FOXK2: variants seen among roughly 807,000 people sequenced by gnomAD.
FOXK2 encodes forkhead box protein K2.
Under a neutral mutation model 53.3 loss-of-function variants are expected in FOXK2, and 24 were observed. The ratio of observed to expected loss-of-function variants is 0.45; its 90% CI spans 0.33 to 0.63. The LOEUF (loss-of-function observed/expected upper bound fraction) is 0.63. Among genes scored for constraint, FOXK2 ranks in the 30% least tolerant of loss-of-function variants. FOXK2 has a pLI of 0.03. For missense variants in FOXK2, 952 were observed against 910.5 expected (o/e 1.05, Z -0.59); for synonymous variants, 505 against 407.1 (o/e 1.24, Z -2.89).
intron 1 of FOXK2, among the ~76,000 whole-genome samples, chr17:82,533,835 CCTGGCACAGCTAGGTTAGCTGGGT>C (rs1176502209): frequency 6.6e-6 from 1 of 151,232 alleles, no homozygotes; most frequent in African/African-American, 2.4e-5. Context: ...GTTAGCTGGG[CCTGGCACAGCTAGGTTAGCTGGGT>C]GTGGTGGTGC....
At chr17:82,594,279 A>G (rs1249611707) in intron 8 of FOXK2, among the ~76,000 whole-genome samples, 4 of 152,142 alleles carry the variant, frequency 2.6e-5, no homozygotes, top group African/African-American at 9.7e-5. Flanking sequence ...CGGGCGGATC[A>G]CGAGGTCAGG....
chr17:82,595,067 C>T (rs927989911), intron 8 of FOXK2, among the ~76,000 whole-genome samples: 7 of 152,190 alleles, frequency 4.6e-5, no homozygotes, highest in African/African-American at 1.4e-4. Context: ...GGAATAGAAA[C>T]GCAAGCCGGC....
chr17:82,525,344 C>G (rs1567962629), intron 1 of FOXK2, among the ~76,000 whole-genome samples: 1 of 151,836 alleles, frequency 6.6e-6, no homozygotes, highest in East Asian at 1.9e-4. Flanking sequence ...GCCTGGCTAA[C>G]TTTTTTTGCA....
Position 82,519,913 on chromosome 17 carries a change from T to C in FOXK2, c.25T>C (p.Ser9Pro). The C allele has an allele frequency of 1.0e-6, 1 of 976,014 alleles. No individual in the cohort carries two copies. Among genetic ancestry groups the C allele is most frequent in the Non-Finnish European group, 1.2e-6 (1 of 826,386 alleles). 60.5% of individuals were successfully genotyped at this position (976,014 alleles called of 1,614,324 possible). MAAAAAAL[S>P]GAGTPPAGGG... Reference sequence around the variant, plus strand: ...CATGGCGGCGGCCGCGGCGGCGCTCTCGGGCGCGGGCACGCCACCCGCGGG... The same window carrying C: ...CATGGCGGCGGCCGCGGCGGCGCTCCCGGGCGCGGGCACGCCACCCGCGGG... The change falls in exon 1 of 9, where the codon TCG becomes CCG. Residue 9 changes from serine (S) to proline (P), a missense_variant. Ser to Pro is a moderately conservative substitution (Grantham distance 74, BLOSUM62 -1). Around this residue, in one of 5 missense-constraint regions of FOXK2, gnomAD observed 163 missense variants for 165.5 expected, o/e 0.98. Transcript: ENST00000335255.
intron 8 of FOXK2, among the ~76,000 whole-genome samples, chr17:82,592,911 T>C (rs2045266901): frequency 1.3e-5 from 2 of 149,774 alleles, no homozygotes; most frequent in South Asian, 4.3e-4. Flanking sequence ...CACAGGCTCT[T>C]ATTCTGAAAG....
intron 4 of FOXK2, among the ~76,000 whole-genome samples, chr17:82,581,568 C>A (rs561572313): frequency 6.6e-6 from 1 of 151,822 alleles, no homozygotes; most frequent in South Asian, 2.1e-4. Context: ...CTCTGCCTCC[C>A]GGGTTCACAC....
At position 82,603,969 on chromosome 17, in the gene FOXK2, A is replaced by G. The variant is rs1004829003; in HGVS notation, c.*2470A>G. The G allele has an allele frequency of 6.6e-6, 1 of 152,206 alleles. No homozygotes were observed. The highest frequency in any genetic ancestry group is 2.4e-5 in the African/African-American group (1 of 41,438). 9.4% of individuals were successfully genotyped at this position (152,206 alleles called of 1,614,324 possible). On this transcript the variant is annotated 3_prime_UTR_variant, in exon 9 of 9. Transcript: ENST00000335255. ...GGCACTGTTTCTAAATTTTGAACTT[A>G]GCTCTGAATCCCCAAGAACTTGAGC...
intron 1 of FOXK2, among the ~76,000 whole-genome samples, chr17:82,548,818 G>A (rs1036147215): frequency 6.6e-6 from 1 of 152,140 alleles, no homozygotes; most frequent in Non-Finnish European, 1.5e-5. Flanking sequence ...TTGGTTTTAC[G>A]TGAATGTCAT....
chr17:82,541,391 G>C (rs1001313401), intron 1 of FOXK2, among the ~76,000 whole-genome samples: 10 of 150,392 alleles, frequency 6.6e-5, no homozygotes, highest in African/African-American at 2.4e-4. Flanking sequence ...TCGTGCCTCA[G>C]CCTCCCAAGT....
At chr17:82,562,609 T>A (rs964718951) in intron 1 of FOXK2, among the ~76,000 whole-genome samples, 1 of 152,068 alleles carries the variant, frequency 6.6e-6, no homozygotes, top group Non-Finnish European at 1.5e-5. Flanking sequence ...GAATTATTTT[T>A]CTTAAATAAG....
At position 82,576,751 on chromosome 17, in the gene FOXK2, G is replaced by A. The variant is rs1346889065; in HGVS notation, c.909+4881G>A. 18 of 708,166 alleles carry A rather than the reference G, an allele frequency of 2.5e-5. 1 individual carries two copies. In the South Asian group the frequency reaches 2.7e-4, roughly 10 times the overall value. 43.9% of individuals were successfully genotyped at this position (708,166 alleles called of 1,614,324 possible). A position where few individuals can be genotyped will look rare whatever the true frequency, so the allele number is the denominator to read the frequency against. On this transcript the variant is annotated intron_variant, in intron 4 of 8. Coordinates refer to ENST00000335255, the MANE Select transcript of FOXK2 (RefSeq NM_004514.4). ...AAAACCGTGAACGTAGCAGCATGTC[G>A]AATATGTCACCAGCTGCTTCATTTT...
At position 82,588,272 on chromosome 17, in the gene FOXK2, G is replaced by A. The variant is rs563616432; in HGVS notation, c.1786+1000G>A. 5.3e-4 allele frequency: 81 copies of A among 152,836 alleles called. 1 individual carries two copies. Among genetic ancestry groups the A allele is most frequent in the Middle Eastern group, 6.8e-3 (2 of 294 alleles). The allele number at this position is 152,836 out of a possible 1,614,324, so 9.5% of individuals were successfully genotyped here. Reference sequence around the variant, plus strand: ...ATCAGTTACCTGTTTGAATGCCTTCGTCCCCAAGCCCTGTGTCTCCTCCTT... The same window carrying A: ...ATCAGTTACCTGTTTGAATGCCTTCATCCCCAAGCCCTGTGTCTCCTCCTT... On this transcript the variant is annotated intron_variant, in intron 8 of 8. Coordinates refer to ENST00000335255, the MANE Select transcript of FOXK2 (RefSeq NM_004514.4).
chr17:82,552,795 C>T (rs2044688962), intron 1 of FOXK2, among the ~76,000 whole-genome samples: 1 of 152,124 alleles, frequency 6.6e-6, no homozygotes, highest in African/African-American at 2.4e-5. Context: ...GCATCCCAAA[C>T]AGGGCTCTGG....
At chr17:82,534,277 A>C (rs1013549954) in intron 1 of FOXK2, among the ~76,000 whole-genome samples, 1 of 152,122 alleles carries the variant, frequency 6.6e-6, no homozygotes, top group African/African-American at 2.4e-5. Context: ...TGATATGTAG[A>C]GGGGTAACCT....
rs570444756 is a variant in FOXK2 at position 82,557,074 on chromosome 17, G to C, written c.420-6280G>C. On this transcript the variant is annotated intron_variant, in intron 1 of 8. Transcript: ENST00000335255. ...GAGACAGAGTTGCTCTTGTTGCCCA[G>C]GCTGGAGTGCAATGGTGTGATGATC... is the stretch of plus-strand genomic sequence containing the variant. 1.3e-4 allele frequency among the ~76,000 whole-genome samples: 20 copies of C among 149,880 alleles called. No homozygotes were observed. The South Asian group carries it at 3.8e-3, about 28-fold the overall frequency.
intron 3 of FOXK2, among the ~76,000 whole-genome samples, chr17:82,568,617 T>C (rs985893334): frequency 3.3e-5 from 5 of 152,232 alleles, no homozygotes; most frequent in Non-Finnish European, 7.3e-5. Flanking sequence ...ACAGCAGTTG[T>C]TGAGAGTCAC....
Position 82,602,405 on chromosome 17 carries a change from T to G in FOXK2, c.*906T>G, listed in dbSNP as rs942317075. 3.9e-5 allele frequency: 6 copies of G among 152,374 alleles called. No individual in the cohort carries two copies. In the East Asian group the frequency reaches 1.2e-3, roughly 29 times the overall value. 9.4% of individuals were successfully genotyped at this position (152,374 alleles called of 1,614,324 possible). A position where few individuals can be genotyped will look rare whatever the true frequency, so the allele number is the denominator to read the frequency against. On this transcript the variant is annotated 3_prime_UTR_variant, in exon 9 of 9. Coordinates refer to ENST00000335255, the MANE Select transcript of FOXK2 (RefSeq NM_004514.4). ...AAGTCTCCTAAGTATTGTGTATGTT[T>G]AAAACGACAGAACCATTTCTACTTC...
At chr17:82,577,158 G>A (rs2044997716) in intron 4 of FOXK2, 11 of 828,174 alleles carry the variant, frequency 1.3e-5, no homozygotes, top group Admixed American at 2.1e-5. Context: ...GCAAAACTCC[G>A]TCTCAAAAAA....
At chr17:82,549,578 A>AC (rs2044656758) in intron 1 of FOXK2, among the ~76,000 whole-genome samples, 1 of 151,812 alleles carries the variant, frequency 6.6e-6, no homozygotes, top group African/African-American at 2.4e-5. Context: ...GGGGGGCAAA[A>AC]CCCCCCAAAT....
Sources: gnomAD v4.1 joint callset for allele counts (sites outside exome capture counted in the v4.1 genomes callset) on GRCh38, gnomAD v4.1.1 for gene constraint, gnomAD v4.1.1 regional missense constraint, MANE v1.5 for transcripts, NCBI Gene and HGNC (gene_info 2026-07-23, HGNC 2026-07-21) for gene names.